The following SOX6 variants were observed in gnomAD, a reference collection of about 807,000 sequenced individuals.
SOX6 encodes SRY-box transcription factor 6.
Under a neutral mutation model 97.8 loss-of-function variants are expected in SOX6, and 11 were observed. The ratio of observed to expected loss-of-function variants is 0.11; its 90% confidence interval spans 0.07 to 0.19. SOX6 has a LOEUF of 0.19. Among genes scored for constraint, SOX6 ranks in the 10% least tolerant of loss-of-function variants. The probability of loss-of-function intolerance (pLI) is 1.00; values close to 1 mark genes in which losing one functional copy is unlikely to be tolerated. For synonymous variants in SOX6, 360 were observed against 371.4 expected (o/e 0.97, Z 0.35); for missense variants, 810 against 1,039.5 (o/e 0.78, Z 3.04).
chr11:16,577,902 C>T (rs997128181), intron 4 of SOX6, among the ~76,000 whole-genome samples: 1 of 152,016 alleles, frequency 6.6e-6, no homozygotes, highest in Non-Finnish European at 1.5e-5. Context: ...TGATGGTTTC[C>T]TTTGAGACAC....
At chr11:16,183,053 A>G (rs1851384034) in intron 6 of SOX6, among the ~76,000 whole-genome samples, 1 of 151,928 alleles carries the variant, frequency 6.6e-6, no homozygotes, top group South Asian at 2.1e-4. Context: ...TAGGATAGGC[A>G]TAACTCTGTG....
intron 4 of SOX6, among the ~76,000 whole-genome samples, chr11:16,587,388 C>T (rs1436658725): frequency 6.6e-6 from 1 of 151,994 alleles, no homozygotes; most frequent in Non-Finnish European, 1.5e-5. Context: ...ATAATAATCA[C>T]TAATGTTTAA....
chr11:16,211,885 T>G (rs1852243672), intron 4 of SOX6, among the ~76,000 whole-genome samples: 1 of 152,144 alleles, frequency 6.6e-6, no homozygotes, highest in African/African-American at 2.4e-5. Flanking sequence ...AAAGTTGATT[T>G]CCAGGTTTTT....
chr11:16,629,889 A>T (rs1193076389), intron 3 of SOX6, among the ~76,000 whole-genome samples: 1 of 152,072 alleles, frequency 6.6e-6, no homozygotes, highest in African/African-American at 2.4e-5. Flanking sequence ...GTGCATAGAG[A>T]TGTTCATAAT....
intron 6 of SOX6, among the ~76,000 whole-genome samples, chr11:16,167,428 C>A (rs990389008): frequency 6.6e-6 from 1 of 152,122 alleles, no homozygotes; most frequent in Non-Finnish European, 1.5e-5. Flanking sequence ...CGTCTAATTG[C>A]AACACAGTAG....
chr11:16,007,373 C>T (rs1311546815), intron 13 of SOX6, among the ~76,000 whole-genome samples: 3 of 152,076 alleles, frequency 2.0e-5, no homozygotes, highest in Non-Finnish European at 4.4e-5. Context: ...GGACCACCAT[C>T]ATATATGTGG....
intron 6 of SOX6, among the ~76,000 whole-genome samples, chr11:16,164,812 C>T (rs1589988293): frequency 7.0e-6 from 1 of 143,180 alleles, no homozygotes; most frequent in Non-Finnish European, 1.5e-5. Flanking sequence ...CAGAGCGAGA[C>T]TTGGTATCAA....
chr11:16,608,596 G>A lies in SOX6; in HGVS notation n.609+3485C>T, dbSNP rs767520677. Among the ~76,000 whole-genome samples, 7 of 150,158 alleles carry A rather than the reference G, an allele frequency of 4.7e-5. No individual in the cohort carries two copies. In the East Asian group the frequency reaches 5.8e-4, roughly 12 times the overall value. Reference sequence around the variant, plus strand: ...CATTTTAAACGATGGAGGAGGAGGCGTTGAAAAAAAAAAAAGAAAAAGCAA... The same window carrying A: ...CATTTTAAACGATGGAGGAGGAGGCATTGAAAAAAAAAAAAGAAAAAGCAA... On this transcript the variant is annotated intron_variant and non_coding_transcript_variant, in intron 4 of 5. Transcript: ENST00000524520.
intron 1 of SOX6, among the ~76,000 whole-genome samples, chr11:16,387,181 A>C (rs1858012922): frequency 6.6e-6 from 1 of 152,200 alleles, no homozygotes; most frequent in Admixed American, 6.5e-5. Flanking sequence ...CCTGGGTCCC[A>C]CTTCAAAAGA....
intron 9 of SOX6, among the ~76,000 whole-genome samples, chr11:16,087,935 G>A (rs1265632610): frequency 2.0e-5 from 3 of 151,624 alleles, no homozygotes; most frequent in Non-Finnish European, 2.9e-5. Context: ...TGCTTTGCAG[G>A]GTGTTTAGCA....
At chr11:16,072,555 C>T (rs1848250698) in intron 9 of SOX6, among the ~76,000 whole-genome samples, 1 of 152,062 alleles carries the variant, frequency 6.6e-6, no homozygotes, top group African/African-American at 2.4e-5. Flanking sequence ...TTTTCCCAAC[C>T]TCACTAGCTT....
intron 2 of SOX6, among the ~76,000 whole-genome samples, chr11:16,732,882 C>T (rs1479904577): frequency 1.3e-5 from 2 of 152,032 alleles, no homozygotes; most frequent in African/African-American, 4.8e-5. Flanking sequence ...GAACTTAAAA[C>T]AAATTTACAA....
chr11:16,455,760 C>T (rs573574845), intron 1 of SOX6, among the ~76,000 whole-genome samples: 21 of 150,742 alleles, frequency 1.4e-4, no homozygotes, highest in Non-Finnish European at 2.8e-4. Context: ...CATTTATTTC[C>T]CCCATGAAAG....
At chr11:16,707,765 T>C (rs1848148451) in intron 3 of SOX6, among the ~76,000 whole-genome samples, 1 of 152,110 alleles carries the variant, frequency 6.6e-6, no homozygotes, top group South Asian at 2.1e-4. Flanking sequence ...AAAAAGTAAA[T>C]AAATTGAAGT....
intron 2 of SOX6, among the ~76,000 whole-genome samples, chr11:16,333,600 TA>T (rs1169903980): frequency 5.5e-4 from 82 of 148,010 alleles, no homozygotes; most frequent in East Asian, 1.4e-3. Flanking sequence ...AAGGTTTATT[TA>T]AAAAAAAAAG....
At chr11:15,979,676 C>A (rs57594599) in intron 15 of SOX6, among the ~76,000 whole-genome samples, 15,275 of 152,020 alleles carry the variant, frequency 0.1, 2,468 homozygotes, top group African/African-American at 0.34. Context: ...ACAAGCTAGG[C>A]ACAATCTCGC....
intron 13 of SOX6, among the ~76,000 whole-genome samples, chr11:16,011,554 G>T (rs965056489): frequency 6.6e-6 from 1 of 152,096 alleles, no homozygotes; most frequent in Admixed American, 6.6e-5. Flanking sequence ...ATCCACAGCT[G>T]CCTCTTTTGG....
chr11:16,377,192 AAAAAG>A (rs1173158566), intron 1 of SOX6, among the ~76,000 whole-genome samples: 3 of 152,114 alleles, frequency 2.0e-5, no homozygotes, highest in African/African-American at 7.2e-5. Flanking sequence ...CAAGAGAAGG[AAAAAG>A]AGGAAGACTG....
chr11:16,724,484 TAAA>T (rs72425242), intron 2 of SOX6, among the ~76,000 whole-genome samples: 5 of 148,024 alleles, frequency 3.4e-5, no homozygotes, highest in African/African-American at 2.5e-5. Flanking sequence ...CTGTAGGCTT[TAAA>T]AAAAAAAAAA....
Sources: allele counts gnomAD v4.1 joint callset (sites outside exome capture counted in the v4.1 genomes callset), GRCh38; gene constraint gnomAD v4.1.1; transcripts MANE v1.5; gene names NCBI Gene and HGNC (gene_info 2026-07-23, HGNC 2026-07-21).